DPP6: variants seen among roughly 807,000 people sequenced by gnomAD.
DPP6 encodes the protein dipeptidyl peptidase like 6.
In DPP6, 69 loss-of-function variants were observed where a neutral mutation model predicts 122.6. The ratio of observed to expected loss-of-function variants is 0.56; its 90% CI spans 0.46 to 0.69. The LOEUF (loss-of-function observed/expected upper bound fraction) is 0.69. Ranked by LOEUF, DPP6 falls within the 30% of genes least tolerant of loss-of-function variation. The pLI is 0.00. For synonymous variants in DPP6, 418 were observed against 433.1 expected (o/e 0.97, Z 0.43); for missense variants, 928 against 1,116.9 (o/e 0.83, Z 2.41).
intron 1 of DPP6, chr7:154,059,658 A>C (rs1585261219): frequency 6.7e-6 from 1 of 149,750 alleles, no homozygotes; most frequent in Admixed American, 6.6e-5. Flanking sequence ...GGATCCCAAC[A>C]ACAGCAAGTT....
the DPP6 span, among the ~76,000 whole-genome samples, chr7:153,881,776 C>T: frequency 2.0e-5 from 3 of 152,164 alleles, no homozygotes; most frequent in African/African-American, 7.2e-5. Context: ...CCTCTGCAGG[C>T]ATTCATTTTC....
intron 3 of DPP6, among the ~76,000 whole-genome samples, chr7:154,512,754 G>T (rs1054207792): frequency 7.9e-5 from 12 of 152,178 alleles, no homozygotes; most frequent in Non-Finnish European, 1.6e-4. Flanking sequence ...ATGACTTCAT[G>T]CTGGACCTCT....
intron 7 of DPP6, 126 bp from the exon 8 acceptor site, chr7:154,727,641 T>C: frequency 7.5e-7 from 1 of 1,331,956 alleles, no homozygotes; most frequent in East Asian, 2.6e-5. Context: ...TGAGACTGCC[T>C]TTGTTCTGTC....
chr7:154,016,984 C>T (rs1798446648), intron 1 of DPP6, among the ~76,000 whole-genome samples: 1 of 152,162 alleles, frequency 6.6e-6, no homozygotes, highest in Admixed American at 6.5e-5. Context: ...AAGGAATCAT[C>T]AAGAGGTTGG....
chr7:153,908,361 T>A (rs990052394), intron 1 of DPP6, among the ~76,000 whole-genome samples: 1 of 152,148 alleles, frequency 6.6e-6, no homozygotes, highest in Non-Finnish European at 1.5e-5. Context: ...ATGGAAAAAT[T>A]CAGACCACAG....
At chr7:154,226,426 A>G (rs1800606673) in intron 1 of DPP6, among the ~76,000 whole-genome samples, 1 of 152,218 alleles carries the variant, frequency 6.6e-6, no homozygotes, top group South Asian at 2.1e-4. Context: ...CAGCTCACAG[A>G]ATGTGAAAGG....
intron 1 of DPP6, among the ~76,000 whole-genome samples, chr7:154,327,384 T>A (rs1315221063): frequency 1.3e-5 from 2 of 152,222 alleles, no homozygotes; most frequent in African/African-American, 4.8e-5. Context: ...GCGTCCCAGT[T>A]TGGGCAATAA....
intron 1 of DPP6, among the ~76,000 whole-genome samples, chr7:154,211,950 C>T (rs1446628421): frequency 6.7e-6 from 1 of 149,084 alleles, no homozygotes; most frequent in Non-Finnish European, 1.5e-5. Context: ...ATTTCTCAAA[C>T]TCCTCCTGTG....
At chr7:154,829,361 C>G (rs543585294) in intron 16 of DPP6, among the ~76,000 whole-genome samples, 19 of 146,994 alleles carry the variant, frequency 1.3e-4, no homozygotes, top group Non-Finnish European at 2.4e-4. Flanking sequence ...CCAGCCTAGG[C>G]AACACAGTGA....
intron 1 of DPP6, among the ~76,000 whole-genome samples, chr7:154,386,050 G>T (rs1435642907): frequency 6.6e-6 from 1 of 152,148 alleles, no homozygotes; most frequent in Non-Finnish European, 1.5e-5. Context: ...GTGTGCTCAG[G>T]AAAAATGCTG....
chr7:154,131,824 A>G (rs1403783923), intron 1 of DPP6, among the ~76,000 whole-genome samples: 1 of 152,176 alleles, frequency 6.6e-6, no homozygotes, highest in Non-Finnish European at 1.5e-5. Flanking sequence ...AAAAGAATAA[A>G]CAATTTCATG....
chr7:154,147,556 T>C (rs1201321280), intron 1 of DPP6, among the ~76,000 whole-genome samples: 1 of 151,898 alleles, frequency 6.6e-6, no homozygotes, highest in Non-Finnish European at 1.5e-5. Flanking sequence ...CTCAGCTCAC[T>C]GCAACCTCCG....
chr7:154,575,475 T>TGAGCG (rs1831570123), intron 5 of DPP6, among the ~76,000 whole-genome samples: 55 of 29,884 alleles, frequency 1.8e-3, no homozygotes, highest in African/African-American at 6.4e-3. Flanking sequence ...TGTATGTGTG[T>TGAGCG]GGTGTGTGTG....
chr7:154,326,299 C>A (rs1437762609), intron 1 of DPP6, among the ~76,000 whole-genome samples: 1 of 151,840 alleles, frequency 6.6e-6, no homozygotes, highest in Non-Finnish European at 1.5e-5. Flanking sequence ...TGACTCAGGT[C>A]CCTGTCTAGA....
chr7:154,278,094 T>C (rs1290180996), intron 1 of DPP6, among the ~76,000 whole-genome samples: 1 of 152,192 alleles, frequency 6.6e-6, no homozygotes, highest in Non-Finnish European at 1.5e-5. Flanking sequence ...CGAAATTCAG[T>C]GACCACTTTG....
At chr7:154,256,242 G>A (rs77286540) in intron 1 of DPP6, among the ~76,000 whole-genome samples, 7,471 of 152,188 alleles carry the variant, frequency 0.049, 249 homozygotes, top group East Asian at 0.13. Context: ...AGTAGTGGCC[G>A]TAATTTATCT....
chr7:153,962,865 T>TC (rs1795426317), intron 1 of DPP6, among the ~76,000 whole-genome samples: 1 of 152,186 alleles, frequency 6.6e-6, no homozygotes, highest in Non-Finnish European at 1.5e-5. Context: ...CATTTCTCAT[T>TC]TCCATACCTT....
intron 1 of DPP6, among the ~76,000 whole-genome samples, chr7:154,192,231 C>A (rs1798649518): frequency 6.6e-6 from 1 of 152,212 alleles, no homozygotes; most frequent in African/African-American, 2.4e-5. Flanking sequence ...ATTGAATTTC[C>A]ATTTTTTCCC....
chr7:154,815,463 G>A (rs926419967), intron 16 of DPP6, among the ~76,000 whole-genome samples: 1 of 152,168 alleles, frequency 6.6e-6, no homozygotes, highest in Non-Finnish European at 1.5e-5. Context: ...CACAGTCCTC[G>A]CCTCTGTTGA....
Sources: gnomAD v4.1 joint callset for allele counts (sites outside exome capture counted in the v4.1 genomes callset) on GRCh38, gnomAD v4.1.1 for gene constraint, MANE v1.5 for transcripts, NCBI Gene and HGNC (gene_info 2026-07-23, HGNC 2026-07-21) for gene names.